The following CYLD variants were observed in gnomAD, a reference collection of about 807,000 sequenced individuals.
CYLD encodes CYLD lysine 63 deubiquitinase.
In CYLD, 26 loss-of-function variants were observed where a neutral mutation model predicts 104.5. The observed-to-expected ratio is 0.25, with a 90% CI of 0.18 to 0.35. CYLD has a LOEUF of 0.35. Ranked by LOEUF, CYLD falls within the 10% of genes least tolerant of loss-of-function variation. The probability of loss-of-function intolerance (pLI) is 1.00; values close to 1 mark genes in which losing one functional copy is unlikely to be tolerated. For synonymous variants in CYLD, 385 were observed against 399.9 expected (o/e 0.96, Z 0.45); for missense variants, 703 against 1,136.1 (o/e 0.62, Z 5.48).
At chr16:50,744,835 C>G (rs1380493424) in intron 2 of CYLD, 1 of 152,364 alleles carries the variant, frequency 6.6e-6, no homozygotes, top group African/African-American at 2.4e-5. Context: ...TTCCAACTCT[C>G]GTCTTGGTTG....
Position 50,796,945 on chromosome 16 carries a change from G to A in CYLD, c.*437G>A, listed in dbSNP as rs1972102408. ...GTTGCCTTGAGGAAGAAATAATTTG[G>A]TTTTATTAAGAGTCTACTCTCAATC... On this transcript the variant is annotated 3_prime_UTR_variant, in exon 19 of 19. Transcript: ENST00000427738. The A allele has an allele frequency of 9.8e-6, 3 of 306,928 alleles. No individual in the cohort carries two copies. The highest frequency in any genetic ancestry group is 6.4e-5 in the African/African-American group (3 of 46,960). The allele number at this position is 306,928 out of a possible 1,614,324, so 19.0% of individuals were successfully genotyped here. A position where few individuals can be genotyped will look rare whatever the true frequency, so the allele number is the denominator to read the frequency against.
intron 5 of CYLD, among the ~76,000 whole-genome samples, chr16:50,770,453 C>CTTT (rs1187147281): frequency 7.0e-6 from 1 of 142,012 alleles, no homozygotes. Context: ...TTCTTTCTTT[C>CTTT]TTTTTTTTTT....
intron 2 of CYLD, among the ~76,000 whole-genome samples, chr16:50,745,133 C>T (rs1180933189): frequency 6.6e-6 from 1 of 152,126 alleles, no homozygotes; most frequent in Non-Finnish European, 1.5e-5. Context: ...TTGTGATATA[C>T]TCACTCAAAG....
intron 16 of CYLD, 23 bp from the exon 17 acceptor site, chr16:50,793,523 C>T (rs1281122139): frequency 2.0e-6 from 3 of 1,481,186 alleles, no homozygotes; most frequent in East Asian, 4.5e-5. Context: ...CTCTTAACTT[C>T]CCTTCCCCTT....
intron 5 of CYLD, among the ~76,000 whole-genome samples, chr16:50,761,755 T>TATCTATCTATCTATCTATC (rs1967958131): frequency 1.3e-5 from 2 of 152,028 alleles, no homozygotes; most frequent in African/African-American, 4.8e-5. Flanking sequence ...TATATCTATC[T>TATCTATCTATCTATCTATC]ATCTATCTAT....
intron 11 of CYLD, chr16:50,783,957 G>A (rs1216729659): frequency 4.3e-5 from 12 of 278,816 alleles, no homozygotes; most frequent in South Asian, 2.7e-4. Context: ...TCGGGAAGTC[G>A]TTTCCAAATG....
chr16:50,787,244 G>A, intron 13 of CYLD: 1 of 370,094 alleles, frequency 2.7e-6, no homozygotes, highest in Middle Eastern at 8.6e-4. Flanking sequence ...TTTCTCTCTT[G>A]TGGTGCAGAG....
At chr16:50,745,251 T>C (rs919671092) in intron 2 of CYLD, among the ~76,000 whole-genome samples, 3 of 152,242 alleles carry the variant, frequency 2.0e-5, no homozygotes, top group Admixed American at 1.3e-4. Flanking sequence ...GCTGTGCTTC[T>C]TTTTCCTTCA....
chr16:50,753,416 T>A (rs185921113), intron 4 of CYLD, among the ~76,000 whole-genome samples: 70 of 152,336 alleles, frequency 4.6e-4, no homozygotes, highest in African/African-American at 1.6e-3. Flanking sequence ...GTTTAGGGTT[T>A]AGGCCTTGCC....
chr16:50,768,756 T>C (rs1276927104), intron 5 of CYLD, among the ~76,000 whole-genome samples: 2 of 152,170 alleles, frequency 1.3e-5, no homozygotes, highest in East Asian at 1.9e-4. Flanking sequence ...TCTTCTGTTC[T>C]AGTTGTGGGG....
At chr16:50,771,367 A>G (rs1280120971) in intron 5 of CYLD, among the ~76,000 whole-genome samples, 1 of 150,978 alleles carries the variant, frequency 6.6e-6, no homozygotes, top group Non-Finnish European at 1.5e-5. Flanking sequence ...GTTGAATAAT[A>G]TTCCAATAAA....
At chr16:50,755,130 T>C (rs185112371) in intron 5 of CYLD, among the ~76,000 whole-genome samples, 8 of 70,252 alleles carry the variant, frequency 1.1e-4, no homozygotes, top group East Asian at 7.6e-4. Context: ...TGTGTATATA[T>C]ACACACGTGT....
intron 9 of CYLD, among the ~76,000 whole-genome samples, chr16:50,780,483 T>C (rs1336255490): frequency 6.6e-6 from 1 of 152,124 alleles, no homozygotes; most frequent in Non-Finnish European, 1.5e-5. Flanking sequence ...GAACATATCA[T>C]TTGATATTTT....
At chr16:50,742,877 A>G (rs940758779) in intron 2 of CYLD, 36 bp downstream of exon 2, 27 of 97,892 alleles carry the variant, frequency 2.8e-4, no homozygotes, top group Non-Finnish European at 4.7e-4. Flanking sequence ...CATGTTAACA[A>G]TCGAGGGGGG....
chr16:50,787,458 G>A (rs1970962709), intron 13 of CYLD: 3 of 306,238 alleles, frequency 9.8e-6, no homozygotes. Flanking sequence ...GAGGCTTGCA[G>A]GAAAAAACAG....
At position 50,796,818 on chromosome 16, in the gene CYLD, A is replaced by G; in HGVS notation, c.*310A>G. On this transcript the variant is annotated 3_prime_UTR_variant, in exon 19 of 19. Transcript: ENST00000427738. Reference sequence around the variant, plus strand: ...ATATTTTTGGAAGCATACAATTTTAATTGTGGAAGTTTAAAGCCTCTTTTA... The same window carrying G: ...ATATTTTTGGAAGCATACAATTTTAGTTGTGGAAGTTTAAAGCCTCTTTTA... The G allele has an allele frequency of 2.5e-6, 1 of 402,494 alleles. No individual in the cohort carries two copies. The highest frequency in any genetic ancestry group is 4.6e-6 in the Non-Finnish European group (1 of 216,376). The allele number at this position is 402,494 out of a possible 1,614,324, so 24.9% of individuals were successfully genotyped here. A position where few individuals can be genotyped will look rare whatever the true frequency, so the allele number is the denominator to read the frequency against.
At chr16:50,778,673 G>T (rs1969917704) in intron 8 of CYLD, among the ~76,000 whole-genome samples, 1 of 152,166 alleles carries the variant, frequency 6.6e-6, no homozygotes, top group African/African-American at 2.4e-5. Flanking sequence ...ATGGAAGCTA[G>T]TGTTTGCCAG....
chr16:50,760,268 G>A (rs562517906), intron 5 of CYLD, among the ~76,000 whole-genome samples: 8 of 152,154 alleles, frequency 5.3e-5, no homozygotes, highest in African/African-American at 1.9e-4. Flanking sequence ...ATTTATTTGG[G>A]TTCTAACTAA....
At chr16:50,787,679 GATGA>G in intron 13 of CYLD, 103 bp from the exon 14 acceptor site, 2 of 636,398 alleles carry the variant, frequency 3.1e-6, no homozygotes, top group South Asian at 3.7e-5. Context: ...AATAATATTG[GATGA>G]ATGAAACTGA....
Sources: allele counts gnomAD v4.1 joint callset (sites outside exome capture counted in the v4.1 genomes callset), GRCh38; gene constraint gnomAD v4.1.1; transcripts MANE v1.5; gene names NCBI Gene and HGNC (gene_info 2026-07-23, HGNC 2026-07-21).